ALPL: variants seen among roughly 807,000 people sequenced by gnomAD.
ALPL encodes the protein alkaline phosphatase, tissue-nonspecific isozyme.
Under a neutral mutation model 51.3 loss-of-function variants are expected in ALPL, and 42 were observed. That is an observed-to-expected ratio of 0.82 (90% confidence interval 0.64 to 1.06). The LOEUF is 1.06. Among genes scored for constraint, ALPL ranks in the 50% least tolerant of loss-of-function variants. The probability of loss-of-function intolerance (pLI) is 0.00; values close to 1 mark genes in which losing one functional copy is unlikely to be tolerated. For synonymous variants in ALPL, 279 were observed against 296.4 expected (o/e 0.94, Z 0.60); for missense variants, 589 against 709.4 (o/e 0.83, Z 1.93).
At chr1:21,554,807 GTCTGTCTGTCTTTCTTTCTTTCTTTCTT>G (rs1644382708) in intron 2 of ALPL, among the ~76,000 whole-genome samples, 1 of 28,236 alleles carries the variant, frequency 3.5e-5, no homozygotes, top group Admixed American at 4.0e-4. Context: ...CTGTCTGTCT[GTCTGTCTGTCTTTCTTTCTTTCTTTCTT>G]TCTTTCTTTC....
intron 1 of ALPL, among the ~76,000 whole-genome samples, chr1:21,553,081 G>A (rs866203380): frequency 4.3e-4 from 37 of 85,134 alleles, no homozygotes; most frequent in Middle Eastern, 0.012. Flanking sequence ...AAAATAAAGA[G>A]GAAATAATCA....
chr1:21,544,011 T>A (rs1644223187), intron 1 of ALPL, among the ~76,000 whole-genome samples: 1 of 152,024 alleles, frequency 6.6e-6, no homozygotes, highest in Non-Finnish European at 1.5e-5. Context: ...CCTGGGTAGG[T>A]CCCACATGGA....
intron 1 of ALPL, among the ~76,000 whole-genome samples, chr1:21,523,326 G>C (rs1339374586): frequency 6.6e-6 from 1 of 152,074 alleles, no homozygotes; most frequent in Non-Finnish European, 1.5e-5. Flanking sequence ...ACAAAAATGG[G>C]GAATAAGCTC....
chr1:21,571,818 C>G (rs1644654344), intron 8 of ALPL, among the ~76,000 whole-genome samples: 1 of 151,970 alleles, frequency 6.6e-6, no homozygotes, highest in African/African-American at 2.4e-5. Flanking sequence ...AGCGAGACCT[C>G]AATTCTACAA....
At chr1:21,535,747 G>C (rs964917502) in intron 1 of ALPL, among the ~76,000 whole-genome samples, 5 of 152,172 alleles carry the variant, frequency 3.3e-5, no homozygotes, top group Non-Finnish European at 5.9e-5. Context: ...AAACCACTCT[G>C]ACTGCTCCTG....
At chr1:21,517,473 G>A (rs1643821710) in intron 1 of ALPL, among the ~76,000 whole-genome samples, 1 of 151,774 alleles carries the variant, frequency 6.6e-6, no homozygotes, top group Non-Finnish European at 1.5e-5. Context: ...TTGTTTTTCA[G>A]TGAGTGTTTG....
At position 21,564,001 on chromosome 1, in the gene ALPL, A is replaced by T. The variant is rs1215693497; in HGVS notation, c.473-40A>T. On this transcript the variant is annotated intron_variant, in intron 5 of 11. Transcript: ENST00000374840. The surrounding 1 kb of genome is among the most constrained non-coding windows in gnomAD (Gnocchi z 5.8). ...GGGAGGAGGCCTCTGGGACACCCCGATCTGTGGATAAAGCCAAACCCGCCC... is the reference window on the plus strand; with the variant it reads ...GGGAGGAGGCCTCTGGGACACCCCGTTCTGTGGATAAAGCCAAACCCGCCC... 4 of 1,609,586 alleles carry T rather than the reference A, an allele frequency of 2.5e-6. No homozygotes were observed. In the East Asian group the frequency reaches 8.9e-5, roughly 36 times the overall value.
chr1:21,563,581 A>C (rs1207168499), intron 5 of ALPL, among the ~76,000 whole-genome samples: 1 of 152,140 alleles, frequency 6.6e-6, no homozygotes. Context: ...AGGAGGGAGA[A>C]GTCAGCCCAG....
chr1:21,514,300 G>T (rs191532327), intron 1 of ALPL, among the ~76,000 whole-genome samples: 1 of 152,128 alleles, frequency 6.6e-6, no homozygotes, highest in Non-Finnish European at 1.5e-5. Flanking sequence ...CACAGCCCCT[G>T]CAGGGAAGAG....
At chr1:21,532,733 C>G (rs1465924649) in intron 1 of ALPL, among the ~76,000 whole-genome samples, 2 of 152,202 alleles carry the variant, frequency 1.3e-5, no homozygotes, top group African/African-American at 2.4e-5. Context: ...ATGGGCTGTT[C>G]CAGCAGCTTA....
chr1:21,545,027 A>C (rs1644235400), intron 1 of ALPL, among the ~76,000 whole-genome samples: 1 of 152,084 alleles, frequency 6.6e-6, no homozygotes. Flanking sequence ...ACTGTTTCCC[A>C]GTGGGTTTCG....
chr1:21,568,035 A>G, intron 6 of ALPL, 69 bp from the exon 7 acceptor site: 2 of 1,610,276 alleles, frequency 1.2e-6, no homozygotes, highest in South Asian at 1.1e-5. Context: ...TCCAGGTTCC[A>G]AGCCGAGGTC....
chr1:21,575,491 A>G (rs1407066314), intron 9 of ALPL, among the ~76,000 whole-genome samples: 2 of 152,174 alleles, frequency 1.3e-5, no homozygotes, highest in Non-Finnish European at 2.9e-5. Context: ...TTGATTACAC[A>G]TCTGGACTTT....
At chr1:21,568,651 AG>A (rs1211601500) in intron 7 of ALPL, among the ~76,000 whole-genome samples, 1 of 152,078 alleles carries the variant, frequency 6.6e-6, no homozygotes, top group Admixed American at 6.5e-5. Context: ...GACAGATGAC[AG>A]GGAGGAGCCA....
At chr1:21,515,511 C>T (rs1055413521) in intron 1 of ALPL, among the ~76,000 whole-genome samples, 1 of 152,138 alleles carries the variant, frequency 6.6e-6, no homozygotes, top group African/African-American at 2.4e-5. Context: ...GCCTCAGCCT[C>T]CCATGTAGCT....
chr1:21,520,229 A>T (rs1643870063), intron 1 of ALPL, among the ~76,000 whole-genome samples: 2 of 151,712 alleles, frequency 1.3e-5, no homozygotes, highest in South Asian at 4.2e-4. Context: ...GGCTCAAGTG[A>T]TCTCCTGCCT....
At chr1:21,552,109 T>TCCCCG (rs1558542051) in intron 1 of ALPL, among the ~76,000 whole-genome samples, 1 of 1,696 alleles carries the variant, frequency 5.9e-4, no homozygotes, top group Non-Finnish European at 1.2e-3. Flanking sequence ...TTCCCTTTCC[T>TCCCCG]CCCCTTCCCT....
At chr1:21,538,444 G>T (rs1558535712) in intron 1 of ALPL, among the ~76,000 whole-genome samples, 1 of 152,202 alleles carries the variant, frequency 6.6e-6, no homozygotes, top group Non-Finnish European at 1.5e-5. Context: ...ACTGTCTCTG[G>T]GAACACCCGC....
intron 1 of ALPL, among the ~76,000 whole-genome samples, chr1:21,512,533 C>G (rs1435468679): frequency 2.0e-5 from 3 of 152,132 alleles, no homozygotes; most frequent in Non-Finnish European, 4.4e-5. Context: ...GTTTAGGTCA[C>G]AAAAGCCTAC....
Sources: allele counts gnomAD v4.1 joint callset (sites outside exome capture counted in the v4.1 genomes callset), GRCh38; gene constraint gnomAD v4.1.1; non-coding constraint Gnocchi (gnomAD v3.1); transcripts MANE v1.5; gene names NCBI Gene and HGNC (gene_info 2026-07-23, HGNC 2026-07-21).